The following MARCHF8 variants were observed in gnomAD, a reference collection of about 807,000 sequenced individuals.
MARCHF8 encodes the protein membrane associated ring-CH-type finger 8, also known as E3 ubiquitin-protein ligase MARCHF8.
Under a neutral mutation model 51.6 loss-of-function variants are expected in MARCHF8, and 40 were observed. The ratio of observed to expected loss-of-function variants is 0.77; its 90% CI spans 0.60 to 1.01. The LOEUF (loss-of-function observed/expected upper bound fraction) is 1.01, where lower values mean the gene tolerates loss of function less well. Ranked by LOEUF, MARCHF8 falls within the 50% of genes least tolerant of loss-of-function variation. The pLI is 0.00. For synonymous variants in MARCHF8, 263 were observed against 280.3 expected (o/e 0.94, Z 0.62); for missense variants, 685 against 708.6 (o/e 0.97, Z 0.38).
At chr10:45,458,677 G>A in intron 7 of MARCHF8, 134 bp from the exon 8 acceptor site, 1 of 981,232 alleles carries the variant, frequency 1.0e-6, no homozygotes, top group Admixed American at 2.9e-5. Context: ...GTCTTGCTAT[G>A]TTGCCCAGGC....
intron 2 of MARCHF8, among the ~76,000 whole-genome samples, chr10:45,530,258 A>G (rs1358615695): frequency 6.6e-6 from 1 of 152,202 alleles, no homozygotes; most frequent in Non-Finnish European, 1.5e-5. Flanking sequence ...GAGTGGAATA[A>G]TAACATTGGA....
chr10:45,530,286 G>A (rs2043856237), intron 2 of MARCHF8, among the ~76,000 whole-genome samples: 1 of 152,140 alleles, frequency 6.6e-6, no homozygotes, highest in Non-Finnish European at 1.5e-5. Context: ...AAAGGTGGGA[G>A]GATGGGAGTG....
At chr10:45,549,448 C>T (rs551549032) in intron 1 of MARCHF8, among the ~76,000 whole-genome samples, 31 of 152,314 alleles carry the variant, frequency 2.0e-4, no homozygotes, top group African/African-American at 6.0e-4. Context: ...CTCCATGTGG[C>T]CTTTTCTTCT....
intron 3 of MARCHF8, 88 bp downstream of exon 3, chr10:45,489,277 CAA>C (rs75451569): frequency 4.9e-3 from 3,734 of 760,840 alleles, no homozygotes; most frequent in South Asian, 8.4e-3. Flanking sequence ...AACGTCTTTT[CAA>C]AAAAAAAAAA....
intron 1 of MARCHF8, among the ~76,000 whole-genome samples, chr10:45,575,251 A>G (rs1435915861): frequency 6.6e-6 from 1 of 152,148 alleles, no homozygotes; most frequent in Non-Finnish European, 1.5e-5. Flanking sequence ...TATCTCACAG[A>G]GCAGTTTTTC....
In MARCHF8 at chr10:45,480,421, G is replaced by T. The variant is rs971594504; in HGVS notation, c.153+8946C>A. Among the ~76,000 whole-genome samples the T allele has an allele frequency of 2.6e-5, 4 of 152,258 alleles. No homozygotes were observed. The South Asian group carries it at 8.3e-4, about 32-fold the overall frequency. On this transcript the variant is annotated intron_variant, in intron 3 of 7. Transcript: ENST00000453424. Reference sequence around the variant, plus strand: ...CTCAATGGGGGAAAATGTCTCAAGGGCATGTCAGAGATCTTTGCTGGCAGC... The same window carrying T: ...CTCAATGGGGGAAAATGTCTCAAGGTCATGTCAGAGATCTTTGCTGGCAGC...
At chr10:45,565,301 C>G (rs2044352383) in intron 1 of MARCHF8, among the ~76,000 whole-genome samples, 1 of 152,002 alleles carries the variant, frequency 6.6e-6, no homozygotes, top group Non-Finnish European at 1.5e-5. Flanking sequence ...CCTAGTGGTG[C>G]ATGCCTGTAG....
chr10:45,566,745 T>C (rs2044369033), intron 1 of MARCHF8, among the ~76,000 whole-genome samples: 1 of 143,704 alleles, frequency 7.0e-6, no homozygotes, highest in African/African-American at 2.5e-5. Flanking sequence ...AGTGCAGGTA[T>C]CTCTTTGATA....
chr10:45,489,836 C>T (rs71494794), intron 2 of MARCHF8, among the ~76,000 whole-genome samples: 9,385 of 152,090 alleles, frequency 0.062, 331 homozygotes, highest in Non-Finnish European at 0.067. Context: ...GGAGTCACGG[C>T]GAAAGAGTGA....
chr10:45,463,712 TC>T lies in MARCHF8; in HGVS notation c.526del (p.Glu176LysfsTer9), dbSNP rs1842872964. Reference protein sequence around the residue: ...QDTSESFAYVERTCSEGKLIL... With the variant: ...QDTSESFAYVXRTCSEGKLIL... ...TAATTTCCCTTCAGAACAAGTTCTT[TC>T]CACATAGGCAAAACTTTCTGAAGTA... is the stretch of plus-strand genomic sequence containing the variant. On this transcript the variant is annotated frameshift_variant, in exon 5 of 8. Transcript: ENST00000453424. LOFTEE classifies it high-confidence loss of function. The T allele has an allele frequency of 6.4e-7, 1 of 1,551,142 alleles. No homozygotes were observed. The highest frequency in any genetic ancestry group is 1.4e-5 in the African/African-American group (1 of 73,192).
At chr10:45,494,613 AG>A (rs1330346230) in intron 2 of MARCHF8, among the ~76,000 whole-genome samples, 2 of 152,222 alleles carry the variant, frequency 1.3e-5, no homozygotes, top group African/African-American at 4.8e-5. Flanking sequence ...ATATATAAAA[AG>A]TTCTTTTGAA....
intron 2 of MARCHF8, among the ~76,000 whole-genome samples, chr10:45,503,582 AAAAT>A (rs902713950): frequency 9.9e-5 from 15 of 151,278 alleles, no homozygotes; most frequent in Non-Finnish European, 1.8e-4. Context: ...ATAAAAACTA[AAAAT>A]AAATAAAAAA....
intron 2 of MARCHF8, among the ~76,000 whole-genome samples, chr10:45,503,108 AGTAT>A (rs769704568): frequency 1.3e-5 from 2 of 152,238 alleles, no homozygotes; most frequent in Non-Finnish European, 2.9e-5. Flanking sequence ...GACTCTGAGA[AGTAT>A]GTATTTTGTA....
At chr10:45,458,564 C>T in intron 7 of MARCHF8, 21 bp from the exon 8 acceptor site, 1 of 1,551,220 alleles carries the variant, frequency 6.4e-7, no homozygotes, top group Non-Finnish European at 8.7e-7. Context: ...AAAACTCAGC[C>T]TATTAGATTT....
At chr10:45,524,916 T>C (rs950341715) in intron 2 of MARCHF8, among the ~76,000 whole-genome samples, 3 of 152,160 alleles carry the variant, frequency 2.0e-5, no homozygotes, top group Admixed American at 2.0e-4. Context: ...ACAGAGTAGG[T>C]TCAAGCATTA....
intron 1 of MARCHF8, among the ~76,000 whole-genome samples, chr10:45,541,236 A>C (rs890602701): frequency 9.8e-5 from 15 of 152,352 alleles, no homozygotes; most frequent in Middle Eastern, 6.8e-3. Context: ...AATACTATGC[A>C]GCCATAAAAA....
intron 2 of MARCHF8, among the ~76,000 whole-genome samples, chr10:45,522,037 C>T (rs892317969): frequency 3.3e-5 from 5 of 152,164 alleles, no homozygotes; most frequent in Admixed American, 2.6e-4. Context: ...ACACATATTA[C>T]ACTGGTTGTC....
chr10:45,471,363 A>T (rs1488269172), intron 3 of MARCHF8, among the ~76,000 whole-genome samples: 2 of 152,196 alleles, frequency 1.3e-5, no homozygotes, highest in African/African-American at 4.8e-5. Flanking sequence ...GCAGCTGAGG[A>T]TCTTGCAAAT....
upstream of MARCHF8, among the ~76,000 whole-genome samples, chr10:45,536,422 C>T (rs1216925631): frequency 2.0e-5 from 3 of 151,804 alleles, no homozygotes; most frequent in Non-Finnish European, 2.9e-5. Flanking sequence ...AGAATAAAAA[C>T]TTTTGTGCTT....
Sources: gnomAD v4.1 joint callset for allele counts (sites outside exome capture counted in the v4.1 genomes callset) on GRCh38, gnomAD v4.1.1 for gene constraint, MANE v1.5 for transcripts, NCBI Gene and HGNC (gene_info 2026-07-23, HGNC 2026-07-21) for gene names.